Variants in SCAI observed in about 807,000 individuals in gnomAD.
SCAI encodes suppressor of cancer cell invasion.
In SCAI, 24 loss-of-function variants were observed where a neutral mutation model predicts 92.2. That is an observed-to-expected ratio of 0.26 (90% CI 0.19 to 0.37). The LOEUF (loss-of-function observed/expected upper bound fraction) is 0.37, where lower values mean the gene tolerates loss of function less well. SCAI is among the 10% of genes least tolerant of loss of function. The probability of loss-of-function intolerance (pLI) is 1.00; values close to 1 mark genes in which losing one functional copy is unlikely to be tolerated. For synonymous variants in SCAI, 261 were observed against 258.6 expected (o/e 1.01, Z -0.09); for missense variants, 450 against 736.2 (o/e 0.61, Z 4.50).
At chr9:125,014,244 C>T (rs370118581) in intron 9 of SCAI, among the ~76,000 whole-genome samples, 5 of 151,528 alleles carry the variant, frequency 3.3e-5, no homozygotes, top group East Asian at 1.9e-4. Flanking sequence ...CAAATTGTCC[C>T]TGTTTGCAGA....
intron 17 of SCAI, among the ~76,000 whole-genome samples, chr9:124,963,429 G>A (rs13284496): frequency 9.2e-5 from 14 of 151,822 alleles, no homozygotes; most frequent in African/African-American, 1.9e-4. Flanking sequence ...CCACAGCGCC[G>A]GGCTGAGAAA....
At chr9:125,110,496 C>G in intron 2 of SCAI, among the ~76,000 whole-genome samples, 1 of 152,154 alleles carries the variant, frequency 6.6e-6, no homozygotes, top group Non-Finnish European at 1.5e-5. Context: ...GACCAAATCT[C>G]ATGTTGAACA....
Position 125,001,982 on chromosome 9 carries a change from C to A in SCAI, c.1127G>T (p.Gly376Val), listed in dbSNP as rs923431724. ...TATTGTACCTTCACTATCAGAACGA[C>A]CTGTGGGGAAAACGCCAGTGGCCGA... is the stretch of plus-strand genomic sequence containing the variant. Reference protein sequence around the residue: ...YLSATGVFPTGRSDSEGPYDF... With the variant: ...YLSATGVFPTVRSDSEGPYDF... The change falls in exon 12 of 18, where the codon GGT (glycine) becomes GTT (valine). Residue 376 changes from glycine (G) to valine (V), a missense_variant. Gly to Val is a moderately radical substitution (Grantham distance 109). Around this residue, in one of 3 missense-constraint regions of SCAI, gnomAD observed 360 missense variants for 601.8 expected, o/e 0.60. Transcript: ENST00000336505. 1.9e-6 allele frequency: 3 copies of A among 1,612,818 alleles called. No homozygotes were observed. In the Admixed American group the frequency reaches 5.0e-5, roughly 27 times the overall value.
At chr9:125,074,607 G>T (rs1159099866) in intron 2 of SCAI, among the ~76,000 whole-genome samples, 1 of 151,780 alleles carries the variant, frequency 6.6e-6, no homozygotes, top group Non-Finnish European at 1.5e-5. Flanking sequence ...AGAACAGATA[G>T]AATCTCCTAA....
rs946226873 is a variant in SCAI, at chr9:125,143,526, G to A, written c.-89C>T. ...CGGCGGAGGCTGGAGTAGGCGGAGA[G>A]GCGGGAGGAGGGCCTCGCGCCTCTG... On this transcript the variant is annotated 5_prime_UTR_variant, in exon 1 of 18. Transcript: ENST00000336505. 3.5e-6 allele frequency: 4 copies of A among 1,143,200 alleles called. No homozygotes were observed. The highest frequency in any genetic ancestry group is 4.2e-5 in the Admixed American group (1 of 23,664). The allele number at this position is 1,143,200 out of a possible 1,614,324, so 70.8% of individuals were successfully genotyped here.
chr9:125,010,883 G>A (rs1301784352), intron 9 of SCAI, among the ~76,000 whole-genome samples: 9 of 152,144 alleles, frequency 5.9e-5, no homozygotes, highest in South Asian at 2.1e-4. Flanking sequence ...ACGAAAATCC[G>A]CTGTTCTGCA....
chr9:125,099,546 T>A (rs1473083770), intron 2 of SCAI, among the ~76,000 whole-genome samples: 1 of 152,168 alleles, frequency 6.6e-6, no homozygotes, highest in East Asian at 1.9e-4. Context: ...CCTCCCAAAG[T>A]GCTAGGATTA....
At chr9:125,067,365 G>A (rs1282578134) in intron 2 of SCAI, among the ~76,000 whole-genome samples, 1 of 152,102 alleles carries the variant, frequency 6.6e-6, no homozygotes, top group African/African-American at 2.4e-5. Context: ...TGAACACAAT[G>A]TGACTGCTGT....
intron 2 of SCAI, among the ~76,000 whole-genome samples, chr9:125,138,706 G>A (rs1835600317): frequency 1.3e-5 from 2 of 152,096 alleles, no homozygotes; most frequent in Admixed American, 6.5e-5. Flanking sequence ...GAGCCATCGT[G>A]CCCGGCCCAA....
intron 2 of SCAI, among the ~76,000 whole-genome samples, chr9:125,133,844 G>A (rs1405162790): frequency 6.6e-6 from 1 of 152,184 alleles, no homozygotes; most frequent in Non-Finnish European, 1.5e-5. Flanking sequence ...CAGAACTAAT[G>A]ACATTTTGAG....
At chr9:124,987,417 T>C (rs999221095) in intron 14 of SCAI, among the ~76,000 whole-genome samples, 1 of 152,078 alleles carries the variant, frequency 6.6e-6, no homozygotes, top group African/African-American at 2.4e-5. Context: ...CTACTGGCAA[T>C]CTAAGAGCCA....
intron 2 of SCAI, among the ~76,000 whole-genome samples, chr9:125,108,456 G>A (rs1238258152): frequency 6.2e-4 from 94 of 151,198 alleles, no homozygotes; most frequent in African/African-American, 2.2e-3. Flanking sequence ...CCCATCGTCT[G>A]AGATGTGGGG....
chr9:124,979,838 G>A (rs1036113105), intron 14 of SCAI, among the ~76,000 whole-genome samples: 7 of 151,902 alleles, frequency 4.6e-5, no homozygotes, highest in African/African-American at 1.7e-4. Flanking sequence ...TCACGAGGTC[G>A]GGTGATCGAG....
At chr9:125,118,804 G>A (rs1054393777) in intron 2 of SCAI, among the ~76,000 whole-genome samples, 3 of 152,032 alleles carry the variant, frequency 2.0e-5, no homozygotes. Flanking sequence ...TGCAGTGTTC[G>A]GTTTTCTGTT....
intron 14 of SCAI, among the ~76,000 whole-genome samples, chr9:124,978,951 C>T (rs774307352): frequency 2.6e-5 from 4 of 151,972 alleles, no homozygotes; most frequent in Non-Finnish European, 5.9e-5. Context: ...ACCTCCGCTG[C>T]CCAGGTTCAA....
intron 3 of SCAI, among the ~76,000 whole-genome samples, chr9:125,047,854 T>C (rs1833477999): frequency 6.6e-6 from 1 of 152,258 alleles, no homozygotes; most frequent in African/African-American, 2.4e-5. Context: ...GAATATTTTT[T>C]ATTTATTGGA....
chr9:124,971,658 A>T lies in SCAI; in HGVS notation c.1573+13T>A. The T allele has an allele frequency of 6.3e-7, 1 of 1,584,488 alleles. No homozygotes were observed. The highest frequency in any genetic ancestry group is 1.2e-5 in the South Asian group (1 of 85,870). On this transcript the variant is annotated intron_variant, in intron 16 of 17. Coordinates refer to ENST00000336505, the MANE Select transcript of SCAI (RefSeq NM_001144877.3). ...TACATTCTGTTAAACGTGCAGTTAG[A>T]TTAGGAGGGTACCTATTGAACGTGA...
chr9:125,066,713 A>T (rs971347336), intron 2 of SCAI, among the ~76,000 whole-genome samples: 1 of 152,096 alleles, frequency 6.6e-6, no homozygotes, highest in African/African-American at 2.4e-5. Context: ...TCGGCCTCCC[A>T]AAGTGCTGGG....
intron 17 of SCAI, among the ~76,000 whole-genome samples, chr9:124,967,591 T>C (rs1314889138): frequency 2.6e-5 from 4 of 152,080 alleles, no homozygotes; most frequent in East Asian, 1.9e-4. Flanking sequence ...TTTCTTGTCA[T>C]TGGAAGTTTT....
Sources: gnomAD v4.1 joint callset for allele counts (sites outside exome capture counted in the v4.1 genomes callset) on GRCh38, gnomAD v4.1.1 for gene constraint, gnomAD v4.1.1 regional missense constraint, MANE v1.5 for transcripts, NCBI Gene and HGNC (gene_info 2026-07-23, HGNC 2026-07-21) for gene names.